DSCAML1: variants seen among roughly 807,000 people sequenced by gnomAD.
The protein encoded by DSCAML1 is DS cell adhesion molecule like 1, also known as cell adhesion molecule DSCAML1.
DSCAML1 carries 38 observed loss-of-function variants against 200.5 expected under a neutral mutation model. The observed-to-expected ratio is 0.19, with a 90% CI of 0.15 to 0.25. The LOEUF (loss-of-function observed/expected upper bound fraction) is 0.25, where lower values mean the gene tolerates loss of function less well. DSCAML1 is among the 10% of genes least tolerant of loss of function. The pLI is 1.00. For synonymous variants in DSCAML1, 1,215 were observed against 1,165.0 expected (o/e 1.04, Z -0.87); for missense variants, 2,223 against 2,858.8 (o/e 0.78, Z 5.07).
chr11:117,430,928 G>A lies in DSCAML1; in HGVS notation c.5480C>T (p.Ala1827Val), dbSNP rs1255146159. The A allele has an allele frequency of 4.3e-6, 7 of 1,614,058 alleles. No homozygotes were observed. The African/African-American group carries it at 6.7e-5, about 15-fold the overall frequency. The change falls in exon 32 of 33, where the codon GCC (alanine) becomes GTC (valine). Residue 1827 changes from alanine to valine, a missense_variant. Ala to Val is a moderately conservative substitution (Grantham distance 64). Coordinates refer to ENST00000651296, the MANE Select transcript of DSCAML1 (RefSeq NM_020693.4). ...GAAGCACTCGGTGATCTCAAACTTG[G>A]CGTGCTGCAGCTGCTCCTCCAGCTT... is the stretch of plus-strand genomic sequence containing the variant. ...HAKLEEQLQH[A>V]KFEITECFIS...
At chr11:117,643,122 C>T (rs1019522789) in intron 3 of DSCAML1, among the ~76,000 whole-genome samples, 2 of 152,160 alleles carry the variant, frequency 1.3e-5, no homozygotes, top group African/African-American at 4.8e-5. Flanking sequence ...ATGTAGTTCT[C>T]TTTGAAGCTT....
At chr11:117,608,407 A>T (rs1234319005) in intron 3 of DSCAML1, among the ~76,000 whole-genome samples, 4 of 152,232 alleles carry the variant, frequency 2.6e-5, no homozygotes, top group Admixed American at 2.6e-4. Context: ...CCTCTCTATT[A>T]ACATTTTGGT....
At chr11:117,706,487 A>G (rs1258950755) in intron 3 of DSCAML1, among the ~76,000 whole-genome samples, 1 of 152,168 alleles carries the variant, frequency 6.6e-6, no homozygotes, top group African/African-American at 2.4e-5. Flanking sequence ...AAGGGCTGAG[A>G]AGGAAGAGGT....
At chr11:117,652,224 G>A (rs189569361) in intron 3 of DSCAML1, among the ~76,000 whole-genome samples, 190 of 152,356 alleles carry the variant, frequency 1.2e-3, no homozygotes, top group African/African-American at 3.8e-3. Context: ...GAGACAAGGC[G>A]TTGGTAGAAT....
intron 3 of DSCAML1, among the ~76,000 whole-genome samples, chr11:117,590,788 C>T (rs2051244151): frequency 6.6e-6 from 1 of 152,148 alleles, no homozygotes; most frequent in Non-Finnish European, 1.5e-5. Context: ...GCCACAGAGA[C>T]CCTCAAATGC....
chr11:117,632,637 T>C (rs1316533918), intron 3 of DSCAML1, among the ~76,000 whole-genome samples: 1 of 152,226 alleles, frequency 6.6e-6, no homozygotes, highest in Non-Finnish European at 1.5e-5. Flanking sequence ...TTTTATGGCA[T>C]GGCCCTGATA....
At chr11:117,741,274 C>T (rs1255259456) in intron 3 of DSCAML1, among the ~76,000 whole-genome samples, 5 of 152,210 alleles carry the variant, frequency 3.3e-5, no homozygotes, top group Admixed American at 3.3e-4. Flanking sequence ...GCGACAAATG[C>T]CATGCCTGGG....
intron 3 of DSCAML1, among the ~76,000 whole-genome samples, chr11:117,568,758 G>T (rs183164185): frequency 6.6e-6 from 1 of 152,138 alleles, no homozygotes; most frequent in East Asian, 1.9e-4. Context: ...ATGCTCACGG[G>T]TAGGAAGAAT....
chr11:117,704,431 A>ACG (rs1156355770), intron 3 of DSCAML1, among the ~76,000 whole-genome samples: 1 of 151,958 alleles, frequency 6.6e-6, no homozygotes, highest in East Asian at 1.9e-4. Flanking sequence ...TGTTGTGTGC[A>ACG]CGCGCGCACA....
chr11:117,654,828 C>T (rs1226463182), intron 3 of DSCAML1, among the ~76,000 whole-genome samples: 1 of 152,026 alleles, frequency 6.6e-6, no homozygotes, highest in East Asian at 1.9e-4. Context: ...GGGCACTGAG[C>T]GGGTGGAGGA....
intron 3 of DSCAML1, among the ~76,000 whole-genome samples, chr11:117,723,821 T>C (rs956673827): frequency 6.6e-6 from 1 of 152,214 alleles, no homozygotes; most frequent in African/African-American, 2.4e-5. Context: ...CCCAACACCC[T>C]GGGAGGGAGG....
intron 3 of DSCAML1, among the ~76,000 whole-genome samples, chr11:117,669,455 A>C (rs890968083): frequency 6.6e-6 from 1 of 152,216 alleles, no homozygotes; most frequent in South Asian, 2.1e-4. Context: ...CAAGCCTCCC[A>C]TGCTGGATCC....
At position 117,788,312 on chromosome 11, in the gene DSCAML1, T is replaced by C. The variant is rs544771912; in HGVS notation, c.47-7502A>G. Among the ~76,000 whole-genome samples, 15 of 152,210 alleles carry C rather than the reference T, an allele frequency of 9.9e-5. No individual in the cohort carries two copies. In the South Asian group the frequency reaches 2.9e-3, roughly 29 times the overall value. The stretch of plus-strand genomic sequence containing the variant: ...TTGGTTTGTTTTGTTGTTGTTGTTT[T>C]GTTTTTGTTTTTGTTGTTGTTGTTG... On this transcript the variant is annotated intron_variant, in intron 1 of 32. Coordinates refer to ENST00000651296, the MANE Select transcript of DSCAML1 (RefSeq NM_020693.4).
At chr11:117,656,763 A>G (rs1447049894) in intron 3 of DSCAML1, among the ~76,000 whole-genome samples, 1 of 152,182 alleles carries the variant, frequency 6.6e-6, no homozygotes, top group East Asian at 1.9e-4. Flanking sequence ...AAGAACACAC[A>G]TGAAGGGTTT....
chr11:117,505,181 G>C lies in DSCAML1; in HGVS notation c.2063-138C>G. ...GAAGCGGGCAGTTTCTGAAACCCAA[G>C]ATGCTGAGAACTTTTGTTGAGTACT... On this transcript the variant is annotated intron_variant, in intron 9 of 32. Coordinates refer to ENST00000651296, the MANE Select transcript of DSCAML1 (RefSeq NM_020693.4). This position sits in a 1 kb window ranked among gnomAD's most constrained non-coding sequence, Gnocchi z 6.7. 1 of 1,343,214 alleles carries C rather than the reference G, an allele frequency of 7.4e-7. No homozygotes were observed. The highest frequency in any genetic ancestry group is 1.0e-6 in the Non-Finnish European group (1 of 991,308). 83.2% of individuals were successfully genotyped at this position (1,343,214 alleles called of 1,614,324 possible).
At chr11:117,440,097 T>G (rs1345547408) in intron 21 of DSCAML1, among the ~76,000 whole-genome samples, 161 bp from the exon 22 acceptor site, 1 of 152,148 alleles carries the variant, frequency 6.6e-6, no homozygotes, top group African/African-American at 2.4e-5. Flanking sequence ...GAATATTGGC[T>G]GGGAGACATT....
At chr11:117,511,309 C>G (rs1315989474) in intron 8 of DSCAML1, among the ~76,000 whole-genome samples, 1 of 152,148 alleles carries the variant, frequency 6.6e-6, no homozygotes, top group Non-Finnish European at 1.5e-5. Context: ...CAGAAAGCAC[C>G]TCTTGGCCTT....
At chr11:117,558,755 T>C (rs2050604524) in intron 3 of DSCAML1, among the ~76,000 whole-genome samples, 1 of 152,150 alleles carries the variant, frequency 6.6e-6, no homozygotes, top group African/African-American at 2.4e-5. Context: ...CTTACAACTC[T>C]AAGGGGTCCA....
At chr11:117,456,697 T>C (rs1653197159) in intron 19 of DSCAML1, among the ~76,000 whole-genome samples, 1 of 143,150 alleles carries the variant, frequency 7.0e-6, no homozygotes, top group African/African-American at 2.6e-5. Context: ...CTTTTTGAGA[T>C]GGAGTCTCGC....
Sources: allele counts gnomAD v4.1 joint callset (sites outside exome capture counted in the v4.1 genomes callset), GRCh38; gene constraint gnomAD v4.1.1; non-coding constraint Gnocchi (gnomAD v3.1); transcripts MANE v1.5; gene names NCBI Gene and HGNC (gene_info 2026-07-23, HGNC 2026-07-21).